Variants in JUP observed in about 807,000 individuals in gnomAD.
JUP encodes catenin (cadherin-associated protein), gamma 80kDa.
Under a neutral mutation model 71.1 loss-of-function variants are expected in JUP, and 28 were observed. The ratio of observed to expected loss-of-function variants is 0.39; its 90% confidence interval spans 0.29 to 0.54. The LOEUF (loss-of-function observed/expected upper bound fraction) is 0.54, where lower values mean the gene tolerates loss of function less well. Among genes scored for constraint, JUP ranks in the 20% least tolerant of loss-of-function variants. The pLI is 0.62. For missense variants in JUP, 869 were observed against 1,030.1 expected, an observed-to-expected ratio of 0.84 and a Z score of 2.14; for synonymous variants, 401 against 438.9, an observed-to-expected ratio of 0.91 and a Z score of 1.08.
intron 1 of JUP, among the ~76,000 whole-genome samples, chr17:41,778,961 G>C (rs2047024483): frequency 6.6e-6 from 1 of 151,246 alleles, no homozygotes; most frequent in African/African-American, 2.4e-5. Context: ...ACTTGGCTGG[G>C]CGTGGTGGCT....
intron 10 of JUP, chr17:41,758,187 T>C: frequency 1.8e-6 from 1 of 564,530 alleles, no homozygotes; most frequent in South Asian, 3.0e-5. Context: ...TGTTTTTTTT[T>C]TCCATTTGTG....
At chr17:41,758,639 C>T in intron 9 of JUP, 76 bp downstream of exon 9, 2 of 1,582,024 alleles carry the variant, frequency 1.3e-6, no homozygotes, top group East Asian at 4.6e-5. Context: ...AACTGACCTC[C>T]CCATTCACAC....
intron 1 of JUP, among the ~76,000 whole-genome samples, chr17:41,785,342 G>A (rs1303509806): frequency 6.6e-6 from 1 of 152,098 alleles, no homozygotes; most frequent in African/African-American, 2.4e-5. Context: ...CCTGGGGAGG[G>A]GGCAGAGCTT....
At chr17:41,785,069 A>G (rs2047383226) in intron 1 of JUP, 2 of 152,020 alleles carry the variant, frequency 1.3e-5, no homozygotes, top group African/African-American at 4.8e-5. Context: ...CCTTCCCCCA[A>G]AAAGCCTTCC....
chr17:41,768,791 G>A (rs1175629174), intron 4 of JUP, among the ~76,000 whole-genome samples, 178 bp downstream of exon 4: 1 of 152,204 alleles, frequency 6.6e-6, no homozygotes, highest in Non-Finnish European at 1.5e-5. Flanking sequence ...TCATTAACCT[G>A]CTGTTTACAT....
chr17:41,756,161 C>A lies in JUP; in HGVS notation c.2086+14G>T. The A allele has an allele frequency of 6.2e-7, 1 of 1,612,958 alleles. No homozygotes were observed. Among genetic ancestry groups the A allele is most frequent in the African/African-American group, 1.3e-5 (1 of 75,022 alleles). On this transcript the variant is annotated intron_variant, in intron 13 of 13. Coordinates refer to ENST00000393931, the MANE Select transcript of JUP (RefSeq NM_002230.4). ...AGGATCTCCAGGGTCCTGAAGAGCC[C>A]GGCACACACTTACCATCTCCATAGG...
At chr17:41,781,792 C>G (rs1555610333) in intron 1 of JUP, among the ~76,000 whole-genome samples, 1 of 152,216 alleles carries the variant, frequency 6.6e-6, no homozygotes, top group East Asian at 1.9e-4. Context: ...CTCCACCTCT[C>G]CCTCTTATTT....
chr17:41,765,110 T>C (rs782560416), intron 5 of JUP, 43 bp from the exon 6 acceptor site: 4 of 1,600,732 alleles, frequency 2.5e-6, no homozygotes, highest in Non-Finnish European at 3.4e-6. Flanking sequence ...ACGGGGAATA[T>C]GACAGGAACA....
At chr17:41,782,395 C>T (rs978788197) in intron 1 of JUP, among the ~76,000 whole-genome samples, 2 of 152,196 alleles carry the variant, frequency 1.3e-5, no homozygotes, top group African/African-American at 4.8e-5. Flanking sequence ...AGGACATTAG[C>T]CCAGGCCTAA....
chr17:41,770,172 A>G (rs969897948), intron 2 of JUP, among the ~76,000 whole-genome samples: 15 of 151,984 alleles, frequency 9.9e-5, no homozygotes, highest in Non-Finnish European at 1.6e-4. Flanking sequence ...ATCATCCCCA[A>G]CGGTAGCAAT....
chr17:41,769,757 C>A, intron 2 of JUP, 80 bp from the exon 3 acceptor site: 1 of 1,505,732 alleles, frequency 6.6e-7, no homozygotes. Flanking sequence ...CACAGACAGC[C>A]CCACCTGGGT....
intron 1 of JUP, among the ~76,000 whole-genome samples, chr17:41,778,809 G>T (rs1271620588): frequency 5.3e-5 from 8 of 152,064 alleles, no homozygotes; most frequent in African/African-American, 1.9e-4. Flanking sequence ...TACTCGGGAG[G>T]CTGAGGCAGG....
At chr17:41,774,311 T>A (rs534530296) in intron 1 of JUP, among the ~76,000 whole-genome samples, 35 of 152,116 alleles carry the variant, frequency 2.3e-4, no homozygotes, top group African/African-American at 7.0e-4. Flanking sequence ...CCCTGGCAGA[T>A]GTTTTATAAT....
In JUP at chr17:41,769,042, G is replaced by C. The variant is rs782377671; in HGVS notation, c.634C>G (p.Leu212Val). The C allele has an allele frequency of 8.1e-6, 13 of 1,613,040 alleles. No individual in the cohort carries two copies. Among genetic ancestry groups the C allele is most frequent in the South Asian group, 7.7e-5 (7 of 90,956 alleles). ...AGCAGCCCCTCCCGGTGGTGGGAGA[G>C]GTTGTGCAGGATGCTGGTGGTGCAG... ...ARCTTSILHN[L>V]SHHREGLLAI... The change falls in exon 4 of 14, where the codon CTC becomes GTC. Residue 212 changes from leucine (L) to valine (V), a missense_variant. Physicochemically the swap from Leu to Val is conservative, Grantham distance 32 (BLOSUM62 1). Transcript: ENST00000393931.
At chr17:41,783,296 T>G (rs2047266151) in intron 1 of JUP, among the ~76,000 whole-genome samples, 2 of 3,170 alleles carry the variant, frequency 6.3e-4, no homozygotes, top group Non-Finnish European at 5.7e-3. Context: ...TTTTTTTTGT[T>G]TTTTTTTTTT....
At chr17:41,769,383 G>A in intron 3 of JUP, 35 bp downstream of exon 3, 5 of 1,593,568 alleles carry the variant, frequency 3.1e-6, no homozygotes, top group Non-Finnish European at 4.3e-6. Flanking sequence ...TCCCCTCCCT[G>A]CCCAGCCCCC....
In JUP at chr17:41,765,006, T is replaced by C; in HGVS notation, c.971A>G (p.Tyr324Cys). The change falls in exon 6 of 14, where the codon TAT (tyrosine) becomes TGT (cysteine). Residue 324 changes from tyrosine (Y) to cysteine (C), a missense_variant. Physicochemically the swap from Tyr to Cys is radical, Grantham distance 194. Coordinates refer to ENST00000393931, the MANE Select transcript of JUP (RefSeq NM_002230.4). ...ALVQIMRNYS[Y>C]EKLLWTTSRV... ...ACTGGTGGTCCAGAGCAGCTTTTCA[T>C]AACTGTAGTTACGCATGATCTGCAC... The C allele has an allele frequency of 1.2e-6, 2 of 1,614,088 alleles. No homozygotes were observed. The highest frequency in any genetic ancestry group is 1.3e-5 in the African/African-American group (1 of 75,016).
intron 1 of JUP, among the ~76,000 whole-genome samples, chr17:41,775,621 G>T (rs536266671): frequency 6.6e-6 from 1 of 152,316 alleles, no homozygotes; most frequent in African/African-American, 2.4e-5. Context: ...AGCCAGAGAC[G>T]GGCAGGGACA....
intron 5 of JUP, 55 bp from the exon 6 acceptor site, chr17:41,765,122 G>A (rs1915504324): frequency 2.6e-6 from 4 of 1,548,378 alleles, no homozygotes; most frequent in Non-Finnish European, 2.7e-6. Flanking sequence ...ACAGGAACAA[G>A]GAAGCGCGGG....
Sources: allele counts gnomAD v4.1 joint callset (sites outside exome capture counted in the v4.1 genomes callset), GRCh38; gene constraint gnomAD v4.1.1; transcripts MANE v1.5; gene names NCBI Gene and HGNC (gene_info 2026-07-23, HGNC 2026-07-21).